The following LYZL2 variants were observed in gnomAD, a reference collection of about 807,000 sequenced individuals.
LYZL2 encodes the protein lysozyme-like protein 2.
A neutral mutation model predicts 17.1 loss-of-function variants in LYZL2; 13 were observed. The ratio of observed to expected loss-of-function variants is 0.76; its 90% CI spans 0.49 to 1.21. The LOEUF is 1.21. Among genes scored for constraint, LYZL2 ranks in the 50% most tolerant of loss-of-function variants. The pLI is 0.00. For synonymous variants in LYZL2, 63 were observed against 74.4 expected, an observed-to-expected ratio of 0.85 and a Z score of 0.79; for missense variants, 166 against 189.2, an observed-to-expected ratio of 0.88 and a Z score of 0.72.
intron 4 of LYZL2, among the ~76,000 whole-genome samples, 161 bp from the exon 5 acceptor site, chr10:30,612,185 G>C (rs1188079096): frequency 6.6e-6 from 1 of 152,218 alleles, no homozygotes; most frequent in Non-Finnish European, 1.5e-5. Context: ...GCCTAGTTCA[G>C]ACTTTGATCT....
chr10:30,629,570 C>T, intron 1 of LYZL2, 23 bp downstream of exon 1: 1 of 1,612,282 alleles, frequency 6.2e-7, no homozygotes, highest in Admixed American at 1.7e-5. Context: ...CAGGTGGCTT[C>T]ATAAGAGTAA....
chr10:30,609,525 G>T (rs1158885307), downstream of LYZL2, among the ~76,000 whole-genome samples: 1 of 152,156 alleles, frequency 6.6e-6, no homozygotes, highest in Non-Finnish European at 1.5e-5. Flanking sequence ...GAACAAGTTG[G>T]GATACAAAGA....
At chr10:30,620,865 T>TA (rs35114293) in intron 3 of LYZL2, among the ~76,000 whole-genome samples, 20,510 of 146,378 alleles carry the variant, frequency 0.14, 1,989 homozygotes, top group East Asian at 0.49. Flanking sequence ...AGATTAGCAT[T>TA]AAAAAAAAAA....
intron 1 of LYZL2, 142 bp from the exon 2 acceptor site, chr10:30,627,082 C>G (rs1289978552): frequency 2.4e-6 from 3 of 1,263,246 alleles, no homozygotes; most frequent in Non-Finnish European, 3.3e-6. Flanking sequence ...ACCGGCCACT[C>G]TACGGTCCAG....
chr10:30,618,747 A>T (rs1242578719), intron 3 of LYZL2, among the ~76,000 whole-genome samples: 4 of 152,236 alleles, frequency 2.6e-5, no homozygotes, highest in African/African-American at 7.2e-5. Context: ...AGGCAATACC[A>T]TTCAGGACAT....
intron 3 of LYZL2, among the ~76,000 whole-genome samples, chr10:30,618,154 C>T (rs1005479209): frequency 1.3e-5 from 2 of 151,938 alleles, no homozygotes; most frequent in African/African-American, 2.4e-5. Context: ...AACTACAAAC[C>T]ACTGCTCAAG....
At position 30,615,521 on chromosome 10, in the gene LYZL2, TTC is replaced by T. The variant is rs146438047; in HGVS notation, c.299-2623_299-2622del. On this transcript the variant is annotated intron_variant, in intron 3 of 4. Transcript: ENST00000647634. ...TGCTGATAGTGGATCTTAAGTGTTC[TTC>T]TCTCTCTCTCTCTCTCTCTGTCTCT... Among the ~76,000 whole-genome samples the T allele has an allele frequency of 4.2e-3, 621 of 147,672 alleles. 3 individuals are homozygous for T. Among genetic ancestry groups the T allele is most frequent in the African/African-American group, 5.2e-3 (214 of 40,764 alleles).
intron 3 of LYZL2, 116 bp downstream of exon 3, chr10:30,625,989 C>A: frequency 1.4e-6 from 2 of 1,468,222 alleles, no homozygotes; most frequent in Non-Finnish European, 9.2e-7. Context: ...CTTGAACAGA[C>A]CTATTTGCAA....
chr10:30,624,174 C>T (rs759292863), intron 3 of LYZL2, among the ~76,000 whole-genome samples: 60 of 152,138 alleles, frequency 3.9e-4, no homozygotes, highest in African/African-American at 1.4e-3. Context: ...CTACCCTTCT[C>T]CACCATGCTC....
chr10:30,615,060 A>G (rs1248469860), intron 3 of LYZL2, among the ~76,000 whole-genome samples: 1 of 152,268 alleles, frequency 6.6e-6, no homozygotes, highest in African/African-American at 2.4e-5. Flanking sequence ...TCCCAATATC[A>G]TAAAAATATC....
rs1450689299 is a variant in LYZL2, at chr10:30,629,625, G to A, written c.-58C>T. 5 of 1,614,108 alleles carry A rather than the reference G, an allele frequency of 3.1e-6. No individual in the cohort carries two copies. The highest frequency in any genetic ancestry group is 4.2e-6 in the Non-Finnish European group (5 of 1,180,022). On this transcript the variant is annotated 5_prime_UTR_variant, in exon 1 of 5. Transcript: ENST00000647634. The stretch of plus-strand genomic sequence containing the variant: ...GCAGATTCCTGGTGCCTGCCGCAGA[G>A]GCTGACTTCTCAGTTGAGTCTGCGG...
chr10:30,626,087 G>T lies in LYZL2; in HGVS notation c.298+18C>A. On this transcript the variant is annotated intron_variant, in intron 3 of 4. Transcript: ENST00000647634. ...ACCTGGTCCTGAGGATGGCATCACT[G>T]GAAAGTCAGAGCCTCACCTGAGCAG... 1 of 1,608,506 alleles carries T rather than the reference G, an allele frequency of 6.2e-7. No homozygotes were observed. The highest frequency in any genetic ancestry group is 1.1e-5 in the South Asian group (1 of 90,438).
downstream of LYZL2, among the ~76,000 whole-genome samples, chr10:30,607,994 G>A (rs1358457159): frequency 6.6e-6 from 1 of 152,162 alleles, no homozygotes; most frequent in African/African-American, 2.4e-5. Context: ...CCAGACTAGA[G>A]GGCAGTGGTA....
chr10:30,621,320 C>T (rs1449071181), intron 3 of LYZL2, among the ~76,000 whole-genome samples: 2 of 152,162 alleles, frequency 1.3e-5, no homozygotes, highest in Non-Finnish European at 2.9e-5. Flanking sequence ...TGGCTCACAA[C>T]TGTAATCCCA....
chr10:30,621,927 T>G (rs1435847030), intron 3 of LYZL2, among the ~76,000 whole-genome samples: 1 of 152,168 alleles, frequency 6.6e-6, no homozygotes, highest in Admixed American at 6.5e-5. Flanking sequence ...TAAAAATGCA[T>G]TGTGAGGTAC....
At chr10:30,626,564 A>G (rs1409358032) in intron 2 of LYZL2, among the ~76,000 whole-genome samples, 1 of 152,136 alleles carries the variant, frequency 6.6e-6, no homozygotes, top group Non-Finnish European at 1.5e-5. Flanking sequence ...GGCTAGTGTC[A>G]TAAGGACAGG....
intron 1 of LYZL2, among the ~76,000 whole-genome samples, chr10:30,628,855 G>C (rs757457558): frequency 6.6e-5 from 10 of 152,210 alleles, no homozygotes; most frequent in Non-Finnish European, 1.3e-4. Flanking sequence ...AATAGCAAGC[G>C]TGGGCAAACC....
chr10:30,627,376 G>A (rs910028653), intron 1 of LYZL2, among the ~76,000 whole-genome samples: 11 of 151,540 alleles, frequency 7.3e-5, no homozygotes, highest in South Asian at 2.1e-4. Context: ...CTGCCACCCC[G>A]AGACAGCAAG....
At position 30,626,770 on chromosome 10, in the gene LYZL2, A is replaced by G. The variant is rs71492584; in HGVS notation, c.139+7T>C. ...ACAGAAAGAGAGCAGGAAAGAAATA[A>G]TCTCACAGTTTCCAAGGCTGAAGCC... On this transcript the variant is annotated splice_region_variant and intron_variant, in intron 2 of 4. Transcript: ENST00000647634. 5,659 of 1,613,296 alleles carry G rather than the reference A, an allele frequency of 3.5e-3. 33 individuals are homozygous for G. The Admixed American group carries it at 0.045, about 13-fold the overall frequency.
Sources: allele counts gnomAD v4.1 joint callset (sites outside exome capture counted in the v4.1 genomes callset), GRCh38; gene constraint gnomAD v4.1.1; transcripts MANE v1.5; gene names NCBI Gene and HGNC (gene_info 2026-07-23, HGNC 2026-07-21).